TNKS: variants seen among roughly 807,000 people sequenced by gnomAD.
The protein encoded by TNKS is poly [ADP-ribose] polymerase tankyrase-1.
Under a neutral mutation model 135.8 loss-of-function variants are expected in TNKS, and 72 were observed. The ratio of observed to expected loss-of-function variants is 0.53; its 90% CI spans 0.44 to 0.64. The LOEUF is 0.64. Among genes scored for constraint, TNKS ranks in the 30% least tolerant of loss-of-function variants. The pLI, the probability that TNKS is intolerant of heterozygous loss-of-function variation, is 0.00. For synonymous variants in TNKS, 849 were observed against 649.3 expected (o/e 1.31, Z -4.68); for missense variants, 1,769 against 1,674.0 (o/e 1.06, Z -0.99).
At chr8:9,641,339 T>C (rs1490542954) in intron 3 of TNKS, among the ~76,000 whole-genome samples, 2 of 144,390 alleles carry the variant, frequency 1.4e-5, no homozygotes, top group African/African-American at 5.1e-5. Context: ...GTTCAGTATA[T>C]AAGGATAAAA....
At chr8:9,631,195 T>A (rs1028732162) in intron 3 of TNKS, among the ~76,000 whole-genome samples, 3 of 152,206 alleles carry the variant, frequency 2.0e-5, no homozygotes, top group African/African-American at 7.2e-5. Flanking sequence ...ACATTATGAT[T>A]ATAATACCCC....
At chr8:9,566,413 A>G (rs947347305) in intron 1 of TNKS, 3 of 152,158 alleles carry the variant, frequency 2.0e-5, no homozygotes, top group Admixed American at 2.0e-4. Flanking sequence ...ATGTTAATTT[A>G]TGAAAGCAGA....
intron 14 of TNKS, among the ~76,000 whole-genome samples, chr8:9,732,248 A>C (rs1446393032): frequency 6.6e-6 from 1 of 152,224 alleles, no homozygotes; most frequent in Non-Finnish European, 1.5e-5. Context: ...TGTATGTTTT[A>C]TATTAGTTTG....
rs540302835 is a variant in TNKS at position 9,579,179 on chromosome 8, A to G, written c.674-980A>G. On this transcript the variant is annotated intron_variant, in intron 1 of 26. Transcript: ENST00000310430. ...ATACTTCTTATAAAATTCTGGTTTT[A>G]TATTCCCAAGTGCTTGTATTCCCAC... is the stretch of plus-strand genomic sequence containing the variant. 1.6e-4 allele frequency among the ~76,000 whole-genome samples: 24 copies of G among 152,158 alleles called. 1 individual carries two copies. The highest frequency in any genetic ancestry group is 1.5e-3 in the Admixed American group (23 of 15,282).
intron 3 of TNKS, among the ~76,000 whole-genome samples, chr8:9,664,123 GGTAATTTAT>G (rs1480690342): frequency 6.6e-6 from 1 of 152,114 alleles, no homozygotes; most frequent in African/African-American, 2.4e-5. Flanking sequence ...CTCGAGGCTG[GGTAATTTAT>G]AAAGAAAAGA....
chr8:9,745,062 A>G (rs1391154346), intron 17 of TNKS, among the ~76,000 whole-genome samples: 1 of 152,340 alleles, frequency 6.6e-6, no homozygotes, highest in South Asian at 2.1e-4. Context: ...AAAATTAATC[A>G]TCAGAAACAC....
In TNKS at chr8:9,781,313, T is replaced by C. The variant is rs1808449342; in HGVS notation, c.*4577T>C. 1 of 152,226 alleles carries C rather than the reference T, an allele frequency of 6.6e-6. No individual in the cohort carries two copies. 9.4% of individuals were successfully genotyped at this position (152,226 alleles called of 1,614,324 possible). A position where few individuals can be genotyped will look rare whatever the true frequency, so the allele number is the denominator to read the frequency against. Reference sequence around the variant, plus strand: ...TTTCTTTTACATCAGTCTACCCATTTCTGCAGGCAGCCCTGAAAGCCCTTG... The same window carrying C: ...TTTCTTTTACATCAGTCTACCCATTCCTGCAGGCAGCCCTGAAAGCCCTTG... On this transcript the variant is annotated 3_prime_UTR_variant, in exon 27 of 27. Transcript: ENST00000310430.
chr8:9,776,077 T>C (rs1247770611), intron 26 of TNKS, among the ~76,000 whole-genome samples: 1 of 152,008 alleles, frequency 6.6e-6, no homozygotes, highest in East Asian at 1.9e-4. Flanking sequence ...AGAAAGAGAA[T>C]ATGAAGGAGG....
Position 9,635,843 on chromosome 8 carries a change from A to T in TNKS, c.994+20166A>T, listed in dbSNP as rs182769591. Among the ~76,000 whole-genome samples the T allele has an allele frequency of 1.3e-4, 20 of 152,314 alleles. No individual in the cohort carries two copies. The Middle Eastern group carries it at 0.014, about 104-fold the overall frequency. ...CTTGAAAGACAAAGGCTGAGGAATT[A>T]CTCCAAATCAAAGGAAACTAAAGAG... On this transcript the variant is annotated intron_variant, in intron 3 of 26. Coordinates refer to ENST00000310430, the MANE Select transcript of TNKS (RefSeq NM_003747.3).
intron 2 of TNKS, among the ~76,000 whole-genome samples, chr8:9,597,878 G>C (rs545593816): frequency 1.3e-5 from 2 of 152,200 alleles, no homozygotes; most frequent in African/African-American, 4.8e-5. Flanking sequence ...TGAAATATGT[G>C]ATTCAATACT....
Position 9,637,747 on chromosome 8 carries a change from CA to C in TNKS, c.994+22075del, listed in dbSNP as rs559735978. Among the ~76,000 whole-genome samples the C allele has an allele frequency of 1.3e-4, 19 of 151,958 alleles. 1 individual carries two copies. The East Asian group carries it at 3.7e-3, about 29-fold the overall frequency. On this transcript the variant is annotated intron_variant, in intron 3 of 26. Transcript: ENST00000310430. ...GCTTATACTCTTTGTAAAAGAAAAA[CA>C]AAAACACATGAAGTAGAAATATTAA...
At chr8:9,599,045 C>T (rs894442215) in intron 2 of TNKS, among the ~76,000 whole-genome samples, 1 of 151,624 alleles carries the variant, frequency 6.6e-6, no homozygotes, top group Non-Finnish European at 1.5e-5. Context: ...CTTTATGATC[C>T]TATTATAAAT....
At chr8:9,760,114 A>G (rs1807068165) in intron 20 of TNKS, among the ~76,000 whole-genome samples, 1 of 152,244 alleles carries the variant, frequency 6.6e-6, no homozygotes, top group Admixed American at 6.5e-5. Flanking sequence ...GGACATCAAT[A>G]ACATAGTTTC....
At chr8:9,776,598 T>C in intron 26 of TNKS, 52 bp from the exon 27 acceptor site, 1 of 1,552,542 alleles carries the variant, frequency 6.4e-7, no homozygotes, top group Non-Finnish European at 8.9e-7. Flanking sequence ...GGCAAGGCTT[T>C]AATATTGTGC....
intron 13 of TNKS, among the ~76,000 whole-genome samples, chr8:9,730,011 G>A (rs550927127): frequency 5.3e-5 from 8 of 152,076 alleles, no homozygotes; most frequent in South Asian, 2.1e-4. Flanking sequence ...TCTTGACCTC[G>A]TGATCTGCCT....
At chr8:9,677,226 C>T (rs1242944619) in intron 3 of TNKS, among the ~76,000 whole-genome samples, 2 of 152,180 alleles carry the variant, frequency 1.3e-5, no homozygotes, top group Non-Finnish European at 2.9e-5. Context: ...GGATCTCTAG[C>T]AGGAAGAGTA....
intron 1 of TNKS, 43 bp downstream of exon 1, chr8:9,556,655 G>C (rs112556123): frequency 6.2e-7 from 1 of 1,608,014 alleles, no homozygotes; most frequent in African/African-American, 1.3e-5. Context: ...ATGGGTTTGG[G>C]TGCAGGGTCC....
In TNKS at chr8:9,733,439, T is replaced by C. The variant is rs1254557910; in HGVS notation, c.2308T>C (p.Leu770=). The C allele has an allele frequency of 7.4e-6, 12 of 1,612,566 alleles. No individual in the cohort carries two copies. Among genetic ancestry groups the C allele is most frequent in the Non-Finnish European group, 1.0e-5 (12 of 1,179,286 alleles). Residue 770 remains leucine (L), a synonymous_variant, in exon 15 of 27, where the codon TTA becomes CTA. Transcript: ENST00000310430. The stretch of plus-strand genomic sequence containing the variant: ...AAAGTATGAAATCTGCAAGCTCCTT[T>C]TAAAAGTATGTAGTTTAAAAAGTTA... ...KGKYEICKLL[L]KHGADPTKKN...
At chr8:9,675,715 T>C (rs1054893148) in intron 3 of TNKS, among the ~76,000 whole-genome samples, 5 of 152,196 alleles carry the variant, frequency 3.3e-5, no homozygotes, top group African/African-American at 4.8e-5. Context: ...ACTCTCTCCT[T>C]TTGCTTACAT....
Sources: allele counts gnomAD v4.1 joint callset (sites outside exome capture counted in the v4.1 genomes callset), GRCh38; gene constraint gnomAD v4.1.1; transcripts MANE v1.5; gene names NCBI Gene and HGNC (gene_info 2026-07-23, HGNC 2026-07-21).